Variants in ASTN2 observed in about 807,000 individuals in gnomAD.
The protein encoded by ASTN2 is astrotactin-2.
ASTN2 carries 54 observed loss-of-function variants against 139.8 expected under a neutral mutation model. The ratio of observed to expected loss-of-function variants is 0.39; its 90% CI spans 0.31 to 0.48. ASTN2 has a LOEUF of 0.48. Among genes scored for constraint, ASTN2 ranks in the 20% least tolerant of loss-of-function variants. The pLI is 0.95. For missense variants in ASTN2, 1,565 were observed against 1,725.1 expected (o/e 0.91, Z 1.64); for synonymous variants, 756 against 719.5 (o/e 1.05, Z -0.81).
At chr9:117,148,252 C>T (rs944855947) in intron 3 of ASTN2, among the ~76,000 whole-genome samples, 4 of 152,184 alleles carry the variant, frequency 2.6e-5, no homozygotes. Context: ...TTTGCAACCC[C>T]TGGTATCCTC....
At chr9:117,114,916 C>T (rs1401861604) in intron 4 of ASTN2, among the ~76,000 whole-genome samples, 1 of 152,140 alleles carries the variant, frequency 6.6e-6, no homozygotes, top group East Asian at 1.9e-4. Flanking sequence ...CCAACAACTG[C>T]ACCCATTTCC....
chr9:117,115,561 T>C (rs1353487997), intron 4 of ASTN2, among the ~76,000 whole-genome samples: 3 of 152,108 alleles, frequency 2.0e-5, no homozygotes, highest in South Asian at 2.1e-4. Flanking sequence ...TTCTATACTA[T>C]GGTCACAAGT....
chr9:116,847,030 A>G (rs1176745581), intron 11 of ASTN2, among the ~76,000 whole-genome samples: 1 of 145,370 alleles, frequency 6.9e-6, no homozygotes, highest in Non-Finnish European at 1.5e-5. Flanking sequence ...AAAAAAACAA[A>G]AAACAAAAAA....
Position 117,257,594 on chromosome 9 carries a change from G to A in ASTN2, c.630+33732C>T, listed in dbSNP as rs79376669. Among the ~76,000 whole-genome samples the A allele has an allele frequency of 8.0e-3, 1,221 of 152,302 alleles. 21 individuals are homozygous for A. The highest frequency in any genetic ancestry group is 0.028 in the African/African-American group (1,168 of 41,552). On this transcript the variant is annotated intron_variant, in intron 2 of 22. Transcript: ENST00000313400. ...TTCTAGGCCAGAAACATTATTTAAT[G>A]TATTTTTCTCATTTTCTCCCCAGGA...
rs117882276 is a variant in ASTN2, at chr9:116,587,556, T to C, written c.3355+30768A>G. On this transcript the variant is annotated intron_variant, in intron 19 of 22. Coordinates refer to ENST00000313400, the MANE Select transcript of ASTN2 (RefSeq NM_001365068.1). ...CCATTCTCAGGTTTTAGTTTTCCCATTTATATAGTAGGGATAATGATATAA... is the reference window on the plus strand; with the variant it reads ...CCATTCTCAGGTTTTAGTTTTCCCACTTATATAGTAGGGATAATGATATAA... Among the ~76,000 whole-genome samples, 148 of 152,202 alleles carry C rather than the reference T, an allele frequency of 9.7e-4. No homozygotes were observed. The East Asian group carries it at 0.011, about 11-fold the overall frequency.
chr9:116,445,190 C>T (rs992326461), intron 20 of ASTN2, among the ~76,000 whole-genome samples: 6 of 152,140 alleles, frequency 3.9e-5, no homozygotes, highest in Admixed American at 3.3e-4. Flanking sequence ...TGAATGAAAG[C>T]ATACCACCTC....
chr9:117,303,465 T>C (rs942499342), intron 1 of ASTN2, among the ~76,000 whole-genome samples: 7 of 152,110 alleles, frequency 4.6e-5, no homozygotes, highest in Non-Finnish European at 8.8e-5. Context: ...CCCTACCCTC[T>C]CCTTCACCCC....
At chr9:117,313,477 G>A (rs1163226742) in intron 1 of ASTN2, among the ~76,000 whole-genome samples, 1 of 152,152 alleles carries the variant, frequency 6.6e-6, no homozygotes, top group South Asian at 2.1e-4. Flanking sequence ...GAGAGGTGGC[G>A]CAAAGAAGAA....
At chr9:116,623,826 C>T (rs1454929923) in intron 17 of ASTN2, among the ~76,000 whole-genome samples, 1 of 152,074 alleles carries the variant, frequency 6.6e-6, no homozygotes, top group Non-Finnish European at 1.5e-5. Flanking sequence ...CTTAGTAGGT[C>T]ACACAGGAAG....
At chr9:116,472,100 C>T (rs1346701586) in intron 20 of ASTN2, among the ~76,000 whole-genome samples, 1 of 152,148 alleles carries the variant, frequency 6.6e-6, no homozygotes, top group Non-Finnish European at 1.5e-5. Flanking sequence ...CTAACTTATA[C>T]ACCACGAAGA....
intron 13 of ASTN2, among the ~76,000 whole-genome samples, chr9:116,746,410 A>T (rs1017539279): frequency 6.6e-6 from 1 of 151,578 alleles, no homozygotes; most frequent in East Asian, 2.0e-4. Flanking sequence ...CACATCACAC[A>T]CTCTTACTTC....
At chr9:116,947,814 T>C (rs941095502) in intron 10 of ASTN2, among the ~76,000 whole-genome samples, 7 of 152,232 alleles carry the variant, frequency 4.6e-5, no homozygotes, top group Admixed American at 1.3e-4. Flanking sequence ...TTAACACTGA[T>C]TCATCACTAC....
chr9:117,139,405 G>A (rs1220732981), intron 4 of ASTN2, among the ~76,000 whole-genome samples: 1 of 152,128 alleles, frequency 6.6e-6, no homozygotes, highest in Non-Finnish European at 1.5e-5. Flanking sequence ...AAACTGACTT[G>A]GGCTGGGATT....
chr9:117,210,734 C>T lies in ASTN2; in HGVS notation c.1015+3624G>A, dbSNP rs536977449. 2.2e-4 allele frequency among the ~76,000 whole-genome samples: 34 copies of T among 152,040 alleles called. 1 individual carries two copies. The highest frequency in any genetic ancestry group is 8.2e-4 in the African/African-American group (34 of 41,508). Reference sequence around the variant, plus strand: ...GACATGCATCACCCTGATACTAAAACCAAACAAGGACACACACACAAAAAG... The same window carrying T: ...GACATGCATCACCCTGATACTAAAATCAAACAAGGACACACACACAAAAAG... On this transcript the variant is annotated intron_variant, in intron 3 of 22. Coordinates refer to ENST00000313400, the MANE Select transcript of ASTN2 (RefSeq NM_001365068.1).
chr9:116,680,089 G>T (rs1284554390), intron 16 of ASTN2, among the ~76,000 whole-genome samples: 1 of 152,064 alleles, frequency 6.6e-6, no homozygotes, highest in Non-Finnish European at 1.5e-5. Flanking sequence ...CCAGGAGCTG[G>T]TTTTTTGAAA....
intron 1 of ASTN2, among the ~76,000 whole-genome samples, chr9:117,315,752 C>T (rs188371536): frequency 3.3e-5 from 5 of 152,258 alleles, no homozygotes; most frequent in African/African-American, 7.2e-5. Flanking sequence ...CCCTGATTCT[C>T]GTTGAGATTC....
chr9:116,473,794 C>T (rs543496896), intron 20 of ASTN2, among the ~76,000 whole-genome samples: 52 of 151,958 alleles, frequency 3.4e-4, no homozygotes, highest in Admixed American at 7.2e-4. Flanking sequence ...CCCAGCTACT[C>T]GGGAGGCTGA....
intron 4 of ASTN2, among the ~76,000 whole-genome samples, chr9:117,110,022 A>T (rs955993936): frequency 3.9e-5 from 6 of 152,174 alleles, no homozygotes; most frequent in African/African-American, 1.4e-4. Context: ...TCACGTTGGA[A>T]TCTGCTGCCA....
At chr9:117,205,555 G>C (rs574991793) in intron 3 of ASTN2, among the ~76,000 whole-genome samples, 2 of 151,858 alleles carry the variant, frequency 1.3e-5, no homozygotes, top group Non-Finnish European at 2.9e-5. Context: ...CTTTCTCCCT[G>C]AGTTTCTAGG....
Sources: gnomAD v4.1 joint callset for allele counts (sites outside exome capture counted in the v4.1 genomes callset) on GRCh38, gnomAD v4.1.1 for gene constraint, MANE v1.5 for transcripts, NCBI Gene and HGNC (gene_info 2026-07-23, HGNC 2026-07-21) for gene names.